MAK: variants seen among roughly 807,000 people sequenced by gnomAD.
MAK encodes male germ cell associated kinase, also known as serine/threonine-protein kinase MAK.
A neutral mutation model predicts 82.6 loss-of-function variants in MAK; 65 were observed. That is an observed-to-expected ratio of 0.79 (90% CI 0.64 to 0.97). MAK has a LOEUF of 0.97. MAK is among the 50% of genes least tolerant of loss of function. The probability of loss-of-function intolerance (pLI) is 0.00; values close to 1 mark genes in which losing one functional copy is unlikely to be tolerated. For missense variants in MAK, 703 were observed against 780.2 expected (o/e 0.90, Z 1.18); for synonymous variants, 250 against 274.2 (o/e 0.91, Z 0.87).
chr6:10,807,333 T>C (rs1404787234), intron 6 of MAK, among the ~76,000 whole-genome samples: 1 of 129,222 alleles, frequency 7.7e-6, no homozygotes, highest in East Asian at 2.2e-4. Flanking sequence ...TACACATATA[T>C]TCCTTTTTTT....
chr6:10,775,274 T>A (rs984446112), intron 12 of MAK, 54 bp downstream of exon 12: 61 of 1,595,768 alleles, frequency 3.8e-5, no homozygotes, highest in Non-Finnish European at 5.0e-5. Context: ...TATTTAAAAG[T>A]AGACCTCTAT....
chr6:10,784,806 G>A (rs1561947005), intron 10 of MAK: 2 of 657,622 alleles, frequency 3.0e-6, no homozygotes, highest in Middle Eastern at 2.4e-4. Flanking sequence ...CTTTATAACT[G>A]AGCAGCAATT....
intron 6 of MAK, among the ~76,000 whole-genome samples, chr6:10,807,749 A>C (rs1776605483): frequency 6.6e-6 from 1 of 151,266 alleles, no homozygotes; most frequent in Non-Finnish European, 1.5e-5. Flanking sequence ...ACATCCACAG[A>C]CCCAGCACCC....
intron 10 of MAK, among the ~76,000 whole-genome samples, chr6:10,785,592 A>G (rs1025596437): frequency 2.0e-5 from 3 of 152,222 alleles, no homozygotes; most frequent in Non-Finnish European, 2.9e-5. Flanking sequence ...GTCTGCTTCA[A>G]TGGGAACAGT....
intron 6 of MAK, among the ~76,000 whole-genome samples, chr6:10,808,325 T>G (rs1420075251): frequency 7.9e-5 from 12 of 152,244 alleles, no homozygotes; most frequent in Admixed American, 7.9e-4. Context: ...TTCTCATTGT[T>G]GCAAAGCATT....
chr6:10,797,846 G>A (rs1226816394), intron 8 of MAK: 12 of 1,284,884 alleles, frequency 9.3e-6, no homozygotes, highest in Admixed American at 2.4e-5. Flanking sequence ...CCCTAATTAG[G>A]TCTTTCCACT....
At chr6:10,802,142 A>G in intron 7 of MAK, 83 bp from the exon 8 acceptor site, 3 of 1,009,412 alleles carry the variant, frequency 3.0e-6, no homozygotes, top group Non-Finnish European at 4.6e-6. Flanking sequence ...CAGCAGTAAT[A>G]TAAACATCAT....
intron 4 of MAK, among the ~76,000 whole-genome samples, chr6:10,815,895 T>G (rs1777430594): frequency 7.1e-6 from 1 of 139,930 alleles, no homozygotes; most frequent in South Asian, 2.2e-4. Flanking sequence ...GGTACTGTAT[T>G]AGTGTAGCTT....
intron 8 of MAK, among the ~76,000 whole-genome samples, chr6:10,798,374 A>G (rs1269234887): frequency 6.6e-6 from 1 of 152,028 alleles, no homozygotes; most frequent in Non-Finnish European, 1.5e-5. Context: ...TGGCCTCTCA[A>G]AGTGCTAGGA....
chr6:10,817,703 G>A, intron 4 of MAK, 147 bp downstream of exon 4: 4 of 588,032 alleles, frequency 6.8e-6, no homozygotes, highest in Non-Finnish European at 1.1e-5. Context: ...AGTGTTAAAT[G>A]TTACCCTTTG....
At chr6:10,832,282 T>C (rs1382519295) in intron 1 of MAK, among the ~76,000 whole-genome samples, 2 of 152,226 alleles carry the variant, frequency 1.3e-5, no homozygotes, top group East Asian at 1.9e-4. Flanking sequence ...GAACAAAGGA[T>C]TTAGAATATT....
Position 10,800,181 on chromosome 6 carries a change from G to A in MAK, c.831+1711C>T, listed in dbSNP as rs1166193161. Reference sequence around the variant, plus strand: ...CTCGGGAGGCTGAGGCAGGAGAATCGCCTGAACCCAGGAGGCGGAGGTTGC... The same window carrying A: ...CTCGGGAGGCTGAGGCAGGAGAATCACCTGAACCCAGGAGGCGGAGGTTGC... On this transcript the variant is annotated intron_variant, in intron 8 of 14. Transcript: ENST00000354489. This position sits in a 1 kb window ranked among gnomAD's most constrained non-coding sequence, Gnocchi z 4.2. Among the ~76,000 whole-genome samples the A allele has an allele frequency of 1.3e-5, 2 of 151,880 alleles. No homozygotes were observed. Among genetic ancestry groups the A allele is most frequent in the Non-Finnish European group, 2.9e-5 (2 of 67,954 alleles).
intron 1 of MAK, among the ~76,000 whole-genome samples, chr6:10,837,102 A>G (rs966623637): frequency 1.6e-4 from 24 of 152,202 alleles, no homozygotes; most frequent in African/African-American, 5.8e-4. Flanking sequence ...AAAACTGAAG[A>G]GATAAGGCTT....
rs577867588 is a variant in MAK, at chr6:10,805,315, C to T, written c.492-1424G>A. ...TATTTAGAAGTTTGGTGGCCAGGCA[C>T]AGTGGCTCACACCTGTAATTGCAGC... On this transcript the variant is annotated intron_variant, in intron 6 of 14. Transcript: ENST00000354489. 1.1e-4 allele frequency among the ~76,000 whole-genome samples: 16 copies of T among 152,268 alleles called. No individual in the cohort carries two copies. In the South Asian group the frequency reaches 3.3e-3, roughly 32 times the overall value.
intron 8 of MAK, chr6:10,797,487 T>C (rs1377735501): frequency 8.5e-6 from 5 of 590,416 alleles, no homozygotes; most frequent in Non-Finnish European, 1.1e-5. Context: ...ATGCACACAA[T>C]AGCACCCCAC....
chr6:10,782,259 C>CACACACA (rs1774069847), intron 11 of MAK, among the ~76,000 whole-genome samples: 2 of 151,090 alleles, frequency 1.3e-5, no homozygotes, highest in African/African-American at 4.9e-5. Flanking sequence ...CAGACACACA[C>CACACACA]CAAAACTATT....
chr6:10,772,697 GA>G (rs996517710), intron 13 of MAK, among the ~76,000 whole-genome samples: 1 of 150,520 alleles, frequency 6.6e-6, no homozygotes, highest in African/African-American at 2.4e-5. Flanking sequence ...TCAGAACTTT[GA>G]AAAAAAAATT....
chr6:10,774,605 T>TA (rs879682972), intron 12 of MAK, among the ~76,000 whole-genome samples: 72 of 151,692 alleles, frequency 4.7e-4, no homozygotes, highest in Non-Finnish European at 6.0e-4. Context: ...ACTGATCTCA[T>TA]AAAAAAAAAT....
At chr6:10,837,867 G>A (rs2127596212) in intron 1 of MAK, among the ~76,000 whole-genome samples, 1 of 152,300 alleles carries the variant, frequency 6.6e-6, no homozygotes, top group African/African-American at 2.4e-5. Context: ...TCCAGGGACC[G>A]CGTGGTGGAA....
Sources: gnomAD v4.1 joint callset for allele counts (sites outside exome capture counted in the v4.1 genomes callset) on GRCh38, gnomAD v4.1.1 for gene constraint, Gnocchi (gnomAD v3.1) non-coding constraint, MANE v1.5 for transcripts, NCBI Gene and HGNC (gene_info 2026-07-23, HGNC 2026-07-21) for gene names.